TRRAP: variants seen among roughly 807,000 people sequenced by gnomAD.
TRRAP encodes the protein transformation/transcription domain associated protein, also known as transformation/transcription domain-associated protein.
In TRRAP, 41 loss-of-function variants were observed where a neutral mutation model predicts 438.8. The observed-to-expected ratio is 0.09, with a 90% CI of 0.07 to 0.12. The LOEUF (loss-of-function observed/expected upper bound fraction) is 0.12, where lower values mean the gene tolerates loss of function less well. Ranked by LOEUF, TRRAP falls within the 10% of genes least tolerant of loss-of-function variation. TRRAP has a pLI of 1.00. For missense variants in TRRAP, 3,122 were observed against 5,055.1 expected (o/e 0.62, Z 11.60); for synonymous variants, 1,994 against 1,962.9 (o/e 1.02, Z -0.42).
intron 58 of TRRAP, among the ~76,000 whole-genome samples, chr7:98,979,273 C>A (rs1387064622): frequency 6.6e-6 from 1 of 152,174 alleles, no homozygotes; most frequent in Non-Finnish European, 1.5e-5. Flanking sequence ...ATCCAGGACA[C>A]CCCAGCGGTA....
Position 98,994,488 on chromosome 7 carries a change from A to G in TRRAP, c.10048-99A>G. 6.5e-7 allele frequency: 1 copy of G among 1,536,514 alleles called. No homozygotes were observed. The highest frequency in any genetic ancestry group is 1.4e-5 in the African/African-American group (1 of 73,322). ...GGTCCTGCCGGGGAGTGCAGAGATG[A>G]CCCTGGGCTGGGAGGGCCGCACTCA... is the stretch of plus-strand genomic sequence containing the variant. On this transcript the variant is annotated intron_variant, in intron 66 of 72. Transcript: ENST00000456197. The surrounding 1 kb of genome is among the most constrained non-coding windows in gnomAD (Gnocchi z 4.8).
At chr7:98,995,568 T>G (rs964009549) in intron 67 of TRRAP, among the ~76,000 whole-genome samples, 1 of 152,000 alleles carries the variant, frequency 6.6e-6, no homozygotes, top group Admixed American at 6.5e-5. Context: ...CCTCTTATGT[T>G]GTGATGTGAG....
At chr7:98,917,712 T>A in intron 20 of TRRAP, 33 bp downstream of exon 20, 1 of 1,603,492 alleles carries the variant, frequency 6.2e-7, no homozygotes, top group Non-Finnish European at 8.5e-7. Flanking sequence ...AGCTGGCTGC[T>A]TCCCTGGAAG....
In TRRAP at chr7:98,937,053, C is replaced by T. The variant is rs902075467; in HGVS notation, c.4112-103C>T. 18 of 1,370,582 alleles carry T rather than the reference C, an allele frequency of 1.3e-5. No homozygotes were observed. In the African/African-American group the frequency reaches 1.8e-4, roughly 14 times the overall value. The allele number at this position is 1,370,582 out of a possible 1,614,324, so 84.9% of individuals were successfully genotyped here. A position where few individuals can be genotyped will look rare whatever the true frequency, so the allele number is the denominator to read the frequency against. On this transcript the variant is annotated intron_variant, in intron 28 of 72. Coordinates refer to ENST00000456197, the MANE Select transcript of TRRAP (RefSeq NM_001375524.1). ...GATGAACCTGGGCAACATAGCAAGA[C>T]ACCTTCTCTACCAAATAATAATAAT...
At chr7:98,924,612 C>T (rs540298691) in intron 21 of TRRAP, among the ~76,000 whole-genome samples, 44 of 149,024 alleles carry the variant, frequency 3.0e-4, no homozygotes, top group African/African-American at 9.6e-4. Flanking sequence ...TGGCGTGAAC[C>T]CGGGAGGCAG....
At position 99,004,020 on chromosome 7, in the gene TRRAP, C is replaced by T. The variant is rs898907405; in HGVS notation, c.10310-170C>T. Among the ~76,000 whole-genome samples the T allele has an allele frequency of 3.3e-5, 5 of 152,274 alleles. No homozygotes were observed. The East Asian group carries it at 9.7e-4, about 29-fold the overall frequency. ...CCCGGGAGGCGGACGTTGCAGTGAG[C>T]GGAGATCGCACCACTGCACTCCAGC... On this transcript the variant is annotated intron_variant, in intron 67 of 72. Transcript: ENST00000456197.
Position 98,886,289 on chromosome 7 carries a change from A to C in TRRAP, c.151-4046A>C, listed in dbSNP as rs112005802. On this transcript the variant is annotated intron_variant, in intron 3 of 72. Coordinates refer to ENST00000456197, the MANE Select transcript of TRRAP (RefSeq NM_001375524.1). ...TGGGCAACAATATATCTATATCTATATCTATCTATCATAGATATAGATATC... is the reference window on the plus strand; with the variant it reads ...TGGGCAACAATATATCTATATCTATCTCTATCTATCATAGATATAGATATC... 8.0e-3 allele frequency among the ~76,000 whole-genome samples: 1,211 copies of C among 152,036 alleles called. 15 individuals are homozygous for C. Among genetic ancestry groups the C allele is most frequent in the Non-Finnish European group, 0.014 (958 of 67,982 alleles).
intron 30 of TRRAP, among the ~76,000 whole-genome samples, chr7:98,942,382 C>G (rs1271602764): frequency 2.0e-5 from 3 of 152,226 alleles, no homozygotes; most frequent in Admixed American, 6.5e-5. Context: ...TTGCCCTCCT[C>G]TTCTCTCTGC....
chr7:98,879,769 G>C (rs1795333109), intron 1 of TRRAP, among the ~76,000 whole-genome samples: 1 of 152,208 alleles, frequency 6.6e-6, no homozygotes, highest in Non-Finnish European at 1.5e-5. Context: ...CTGTGGGCAT[G>C]CTCTCTGCAT....
intron 52 of TRRAP, among the ~76,000 whole-genome samples, chr7:98,970,748 T>A (rs1469836726): frequency 6.6e-6 from 1 of 152,184 alleles, no homozygotes; most frequent in Non-Finnish European, 1.5e-5. Flanking sequence ...CCGTGTTCAT[T>A]ACAGAAAGCG....
intron 14 of TRRAP, among the ~76,000 whole-genome samples, chr7:98,909,649 C>T (rs1796968176): frequency 6.6e-6 from 1 of 152,160 alleles, no homozygotes; most frequent in South Asian, 2.1e-4. Context: ...TCCTGAGCCC[C>T]AGGGGTGGTG....
intron 49 of TRRAP, among the ~76,000 whole-genome samples, chr7:98,966,669 G>A (rs983090965): frequency 1.9e-4 from 29 of 151,802 alleles, no homozygotes; most frequent in South Asian, 2.1e-4. Context: ...TGGGCATCAC[G>A]GCGAGACACT....
intron 70 of TRRAP, 41 bp downstream of exon 70, chr7:99,008,602 A>G: frequency 6.2e-7 from 1 of 1,603,854 alleles, no homozygotes; most frequent in South Asian, 1.1e-5. Context: ...TGCCGCCTGC[A>G]GCCCTCCTGT....
chr7:98,951,059 CTGTGTGTGTGTGTGTGTGTGTG>C (rs67173253), intron 39 of TRRAP, 55 bp downstream of exon 39: 1 of 885,174 alleles, frequency 1.1e-6, no homozygotes, highest in Non-Finnish European at 1.5e-6. Flanking sequence ...GGATGAACAT[CTGTGTGTGTGTGTGTGTGTGTG>C]TGTGTGTGTG....
chr7:98,889,010 G>C (rs1795844606), intron 3 of TRRAP, among the ~76,000 whole-genome samples: 1 of 147,698 alleles, frequency 6.8e-6, no homozygotes, highest in South Asian at 2.1e-4. Flanking sequence ...TTGGGTGTTA[G>C]ATATACTTGA....
chr7:98,889,340 C>G (rs1209867259), intron 3 of TRRAP, among the ~76,000 whole-genome samples: 2 of 152,046 alleles, frequency 1.3e-5, no homozygotes, highest in Middle Eastern at 3.2e-3. Flanking sequence ...ACAACACTTC[C>G]GAGCATTTCC....
chr7:98,993,420 T>A, intron 65 of TRRAP, 118 bp from the exon 66 acceptor site: 1 of 1,111,748 alleles, frequency 9.0e-7, no homozygotes, highest in Non-Finnish European at 1.3e-6. Flanking sequence ...AGCGGTCTTG[T>A]AGGGATTCAC....
intron 26 of TRRAP, 66 bp from the exon 27 acceptor site, chr7:98,933,175 T>C (rs1375921032): frequency 5.4e-6 from 8 of 1,488,348 alleles, no homozygotes; most frequent in Non-Finnish European, 5.4e-6. Flanking sequence ...GGTTTTCACA[T>C]TTTTAAAAAG....
intron 67 of TRRAP, among the ~76,000 whole-genome samples, chr7:98,996,572 A>C (rs1429895611): frequency 6.6e-6 from 1 of 152,244 alleles, no homozygotes; most frequent in East Asian, 1.9e-4. Flanking sequence ...TTAAAAGCTT[A>C]ATTACTGCAT....
Sources: gnomAD v4.1 joint callset for allele counts (sites outside exome capture counted in the v4.1 genomes callset) on GRCh38, gnomAD v4.1.1 for gene constraint, Gnocchi (gnomAD v3.1) non-coding constraint, MANE v1.5 for transcripts, NCBI Gene and HGNC (gene_info 2026-07-23, HGNC 2026-07-21) for gene names.